FANCC: variants seen among roughly 807,000 people sequenced by gnomAD.
FANCC encodes Fanconi anemia group C protein.
In FANCC, 55 loss-of-function variants were observed where a neutral mutation model predicts 71.3. The observed-to-expected ratio is 0.77, with a 90% CI of 0.62 to 0.97. The LOEUF (loss-of-function observed/expected upper bound fraction) is 0.97. Ranked by LOEUF, FANCC falls within the 50% of genes least tolerant of loss-of-function variation. The probability of loss-of-function intolerance (pLI) is 0.00; values close to 1 mark genes in which losing one functional copy is unlikely to be tolerated. For synonymous variants in FANCC, 275 were observed against 244.9 expected, an observed-to-expected ratio of 1.12 and a Z score of -1.15; for missense variants, 678 against 670.9, an observed-to-expected ratio of 1.01 and a Z score of -0.12.
chr9:95,152,798 C>G (rs977520281), intron 6 of FANCC, among the ~76,000 whole-genome samples: 2 of 151,744 alleles, frequency 1.3e-5, no homozygotes, highest in Admixed American at 6.6e-5. Flanking sequence ...CTCTCCTCCC[C>G]CTTCTGAGTC....
rs2135623916 is a variant in FANCC at position 95,176,170 on chromosome 9, C to T, written c.346-4023G>A. On this transcript the variant is annotated intron_variant, in intron 4 of 14. Coordinates refer to ENST00000289081, the MANE Select transcript of FANCC (RefSeq NM_000136.3). ...TGGGTTAAAGAGGAGGAAATCAAGA[C>T]AGTTTAAGCAGCCTGCCCAAGGCTA... Among the ~76,000 whole-genome samples the T allele has an allele frequency of 1.3e-5, 2 of 152,340 alleles. 1 individual carries two copies. The highest frequency in any genetic ancestry group is 6.8e-3 in the Middle Eastern group (2 of 294).
chr9:95,169,774 T>C (rs930038960), intron 6 of FANCC, among the ~76,000 whole-genome samples: 2 of 152,258 alleles, frequency 1.3e-5, no homozygotes, highest in South Asian at 4.1e-4. Context: ...GTTAAGTCAA[T>C]GTCTCTACTG....
chr9:95,111,655 CACA>C lies in FANCC; in HGVS notation c.1155-21_1155-19del, dbSNP rs2071946514. 6.2e-7 allele frequency: 1 copy of C among 1,614,094 alleles called. No homozygotes were observed. The highest frequency in any genetic ancestry group is 8.5e-7 in the Non-Finnish European group (1 of 1,180,026). On this transcript the variant is annotated intron_variant, in intron 12 of 14. Coordinates refer to ENST00000289081, the MANE Select transcript of FANCC (RefSeq NM_000136.3). Reference sequence around the variant, plus strand: ...CGCAGGACCTGGAACAGAGGCAGAACACATGGCAGTTGACAACCTAAATTCTTC... The same window carrying C: ...CGCAGGACCTGGAACAGAGGCAGAACTGGCAGTTGACAACCTAAATTCTTC...
At chr9:95,255,907 A>G (rs1302578828) in intron 1 of FANCC, among the ~76,000 whole-genome samples, 4 of 151,894 alleles carry the variant, frequency 2.6e-5, no homozygotes, top group Admixed American at 2.6e-4. Context: ...CAATAGTTGA[A>G]TCGATCAAGC....
intron 1 of FANCC, among the ~76,000 whole-genome samples, chr9:95,283,934 A>G (rs1270658206): frequency 6.6e-6 from 1 of 152,226 alleles, no homozygotes; most frequent in Non-Finnish European, 1.5e-5. Context: ...TTGCCAGTCT[A>G]TGCCTCCGTT....
At chr9:95,148,393 T>A (rs1469211375) in intron 7 of FANCC, among the ~76,000 whole-genome samples, 1 of 152,248 alleles carries the variant, frequency 6.6e-6, no homozygotes. Flanking sequence ...AGACAGGCAG[T>A]GGTCAGTCAC....
intron 4 of FANCC, among the ~76,000 whole-genome samples, chr9:95,185,555 A>G (rs1364210371): frequency 2.6e-5 from 4 of 152,212 alleles, no homozygotes; most frequent in Non-Finnish European, 4.4e-5. Context: ...AATCATGCCC[A>G]ATTCCCAACC....
chr9:95,247,556 T>C (rs373121524), intron 2 of FANCC, 40 bp from the exon 3 acceptor site: 5 of 1,328,416 alleles, frequency 3.8e-6, no homozygotes, highest in African/African-American at 1.4e-5. Flanking sequence ...AAAGGCATTA[T>C]GCAACTTAGA....
intron 1 of FANCC, among the ~76,000 whole-genome samples, chr9:95,274,810 C>T (rs1455857385): frequency 6.6e-6 from 1 of 152,062 alleles, no homozygotes; most frequent in Non-Finnish European, 1.5e-5. Context: ...GACTGATACA[C>T]AGTATGGGCA....
At chr9:95,203,386 A>AAAAAC (rs1194661518) in intron 4 of FANCC, among the ~76,000 whole-genome samples, 12 of 151,594 alleles carry the variant, frequency 7.9e-5, no homozygotes, top group Middle Eastern at 3.4e-3. Flanking sequence ...CTCAAAAAAA[A>AAAAAC]AAAAAAAAAA....
intron 1 of FANCC, among the ~76,000 whole-genome samples, chr9:95,306,495 C>A (rs1005668627): frequency 3.3e-5 from 5 of 152,166 alleles, no homozygotes; most frequent in Non-Finnish European, 7.3e-5. Flanking sequence ...TTCAGCCCCC[C>A]TTGGACATCG....
intron 1 of FANCC, among the ~76,000 whole-genome samples, chr9:95,306,521 A>T (rs1835078079): frequency 6.6e-6 from 1 of 152,220 alleles, no homozygotes; most frequent in Non-Finnish European, 1.5e-5. Context: ...CTGGTGCAAC[A>T]AAAAGAGCAC....
At chr9:95,236,320 C>G (rs547513237) in intron 4 of FANCC, among the ~76,000 whole-genome samples, 1 of 152,266 alleles carries the variant, frequency 6.6e-6, no homozygotes, top group South Asian at 2.1e-4. Context: ...TCCTCAGCCT[C>G]TATAGTTGTG....
chr9:95,110,855 A>G, intron 13 of FANCC: 1 of 1,183,564 alleles, frequency 8.4e-7, no homozygotes, highest in Non-Finnish European at 1.1e-6. Flanking sequence ...ACATAAAATA[A>G]CAACTGTCTT....
intron 13 of FANCC, chr9:95,110,941 A>G: frequency 1.5e-6 from 2 of 1,345,042 alleles, no homozygotes; most frequent in Non-Finnish European, 1.9e-6. Context: ...TTTCAGAAGC[A>G]AAGTGGTTAA....
chr9:95,240,917 T>C (rs1830593398), intron 3 of FANCC, among the ~76,000 whole-genome samples, 174 bp from the exon 4 acceptor site: 1 of 152,238 alleles, frequency 6.6e-6, no homozygotes, highest in Non-Finnish European at 1.5e-5. Flanking sequence ...TTTCTGCTGA[T>C]GGGAATATTT....
intron 10 of FANCC, among the ~76,000 whole-genome samples, chr9:95,119,365 CTTTT>C (rs34433881): frequency 4.2e-5 from 6 of 141,272 alleles, no homozygotes; most frequent in Non-Finnish European, 9.2e-5. Flanking sequence ...TCTTCCTTTT[CTTTT>C]TTTTTTTTTT....
chr9:95,150,622 A>C (rs796718473), intron 6 of FANCC, among the ~76,000 whole-genome samples: 65 of 152,222 alleles, frequency 4.3e-4, no homozygotes, highest in African/African-American at 1.5e-3. Flanking sequence ...CAGTTCCAGC[A>C]CCCCTTTAAA....
chr9:95,197,701 C>T (rs1827545498), intron 4 of FANCC, among the ~76,000 whole-genome samples: 2 of 152,134 alleles, frequency 1.3e-5, no homozygotes, highest in South Asian at 4.2e-4. Flanking sequence ...AGTTAAATTG[C>T]AGAGCTGACT....
Sources: gnomAD v4.1 joint callset for allele counts (sites outside exome capture counted in the v4.1 genomes callset) on GRCh38, gnomAD v4.1.1 for gene constraint, MANE v1.5 for transcripts, NCBI Gene and HGNC (gene_info 2026-07-23, HGNC 2026-07-21) for gene names.